The following ARHGAP24 variants were observed in gnomAD, a reference collection of about 807,000 sequenced individuals.
ARHGAP24 encodes rho GTPase-activating protein 24.
Under a neutral mutation model 76.4 loss-of-function variants are expected in ARHGAP24, and 50 were observed. The observed-to-expected ratio is 0.65, with a 90% CI of 0.52 to 0.83. The LOEUF is 0.83. ARHGAP24 is among the 40% of genes least tolerant of loss of function. The probability of loss-of-function intolerance (pLI) is 0.00; values close to 1 mark genes in which losing one functional copy is unlikely to be tolerated. For synonymous variants in ARHGAP24, 345 were observed against 323.3 expected (o/e 1.07, Z -0.72); for missense variants, 930 against 914.2 (o/e 1.02, Z -0.22).
intron 3 of ARHGAP24, among the ~76,000 whole-genome samples, chr4:85,852,559 G>A (rs1731299533): frequency 6.6e-6 from 1 of 152,186 alleles, no homozygotes; most frequent in African/African-American, 2.4e-5. Context: ...CAGCTTTTCT[G>A]CTCTGGTTTC....
intron 2 of ARHGAP24, among the ~76,000 whole-genome samples, chr4:85,632,890 T>C (rs888727508): frequency 2.6e-5 from 4 of 152,028 alleles, no homozygotes; most frequent in African/African-American, 9.6e-5. Context: ...GGATGCTAAT[T>C]ACCCCAGGAA....
intron 1 of ARHGAP24, among the ~76,000 whole-genome samples, chr4:85,500,718 T>C (rs1403955998): frequency 1.3e-5 from 2 of 152,168 alleles, no homozygotes; most frequent in Non-Finnish European, 2.9e-5. Flanking sequence ...CTCATAAGAC[T>C]TTTTTATTAT....
At chr4:85,683,816 G>C (rs1723320409) in intron 2 of ARHGAP24, among the ~76,000 whole-genome samples, 1 of 152,140 alleles carries the variant, frequency 6.6e-6, no homozygotes, top group African/African-American at 2.4e-5. Context: ...CTCTGAGTTT[G>C]ACTATTTTTG....
At chr4:85,626,104 C>T (rs1381782268) in intron 2 of ARHGAP24, among the ~76,000 whole-genome samples, 2 of 152,272 alleles carry the variant, frequency 1.3e-5, no homozygotes, top group East Asian at 3.9e-4. Flanking sequence ...TGAATTTGAT[C>T]CTGTCATTAT....
intron 3 of ARHGAP24, among the ~76,000 whole-genome samples, chr4:85,915,319 T>A (rs1283961949): frequency 1.3e-5 from 2 of 152,206 alleles, no homozygotes; most frequent in Non-Finnish European, 1.5e-5. Context: ...TTTAAAAGTT[T>A]CATAAATCAC....
intron 2 of ARHGAP24, among the ~76,000 whole-genome samples, chr4:85,639,997 T>C (rs1721467385): frequency 6.6e-6 from 1 of 152,158 alleles, no homozygotes; most frequent in Admixed American, 6.6e-5. Flanking sequence ...AAGGGCCTTG[T>C]GAATCTTGGA....
intron 2 of ARHGAP24, among the ~76,000 whole-genome samples, chr4:85,696,958 A>AGGATGCATATGGAGTGATAGTG (rs1159901273): frequency 1.3e-5 from 2 of 152,214 alleles, no homozygotes; most frequent in East Asian, 3.8e-4. Context: ...TTTTCCTAGT[A>AGGATGCATATGGAGTGATAGTG]GGATGCATAT....
chr4:85,517,982 G>A (rs1724581079), intron 1 of ARHGAP24, among the ~76,000 whole-genome samples: 1 of 152,132 alleles, frequency 6.6e-6, no homozygotes, highest in South Asian at 2.1e-4. Flanking sequence ...ACTTTAAGAA[G>A]TGACATCTAG....
At chr4:85,781,636 T>TG (rs1392025673) in intron 3 of ARHGAP24, among the ~76,000 whole-genome samples, 4 of 149,224 alleles carry the variant, frequency 2.7e-5, no homozygotes. Context: ...AAGCATCAGA[T>TG]GGTGTATATG....
chr4:85,568,629 A>G (rs1039746872), intron 1 of ARHGAP24, among the ~76,000 whole-genome samples: 5 of 152,210 alleles, frequency 3.3e-5, no homozygotes, highest in African/African-American at 1.2e-4. Context: ...TGGAGGCATC[A>G]GGCATGGTCC....
intron 3 of ARHGAP24, among the ~76,000 whole-genome samples, chr4:85,867,907 A>ATATATATG (rs372968277): frequency 5.5e-5 from 8 of 144,916 alleles, no homozygotes; most frequent in Non-Finnish European, 1.1e-4. Flanking sequence ...ACATATATAT[A>ATATATATG]TACATATATG....
chr4:85,614,401 G>C (rs1720484150), intron 2 of ARHGAP24, among the ~76,000 whole-genome samples: 1 of 151,984 alleles, frequency 6.6e-6, no homozygotes, highest in Non-Finnish European at 1.5e-5. Flanking sequence ...TATATATTTA[G>C]TGCTTAGTAG....
rs113878790 is a variant in ARHGAP24 at position 85,528,414 on chromosome 4, G to A, written c.-20-42108G>A. ...TTTTTAAGGAGAAAAATTATGAGTAGGTATGTACACACAAAAAATTTCTGG... is the reference window on the plus strand; with the variant it reads ...TTTTTAAGGAGAAAAATTATGAGTAAGTATGTACACACAAAAAATTTCTGG... On this transcript the variant is annotated intron_variant, in intron 1 of 9. Coordinates refer to ENST00000395184, the MANE Select transcript of ARHGAP24 (RefSeq NM_001025616.3). 1.4e-4 allele frequency among the ~76,000 whole-genome samples: 22 copies of A among 152,138 alleles called. 1 individual carries two copies. Among genetic ancestry groups the A allele is most frequent in the African/African-American group, 5.3e-4 (22 of 41,550 alleles).
At chr4:85,632,645 G>A (rs967348521) in intron 2 of ARHGAP24, among the ~76,000 whole-genome samples, 3 of 149,772 alleles carry the variant, frequency 2.0e-5, no homozygotes, top group South Asian at 4.1e-4. Flanking sequence ...CAGTTAAGAA[G>A]TATGCAGTCT....
At chr4:85,527,319 A>G (rs1009284674) in intron 1 of ARHGAP24, among the ~76,000 whole-genome samples, 1 of 152,146 alleles carries the variant, frequency 6.6e-6, no homozygotes, top group African/African-American at 2.4e-5. Flanking sequence ...TTGATTATCA[A>G]ACTGTTTTGG....
At chr4:85,735,302 A>C (rs1416213631) in intron 3 of ARHGAP24, among the ~76,000 whole-genome samples, 1 of 152,140 alleles carries the variant, frequency 6.6e-6, no homozygotes. Context: ...TTCTCCCATC[A>C]TCCAGCACCT....
chr4:85,775,905 G>A (rs1396936063), intron 3 of ARHGAP24, among the ~76,000 whole-genome samples: 1 of 152,110 alleles, frequency 6.6e-6, no homozygotes, highest in Non-Finnish European at 1.5e-5. Context: ...GGGGAATGAT[G>A]GGAAAGATGA....
chr4:85,827,759 C>T (rs1729792052), intron 3 of ARHGAP24: 7 of 401,900 alleles, frequency 1.7e-5, no homozygotes. Context: ...TACCTGAGCT[C>T]AGTAGCTGGG....
intron 2 of ARHGAP24, among the ~76,000 whole-genome samples, chr4:85,702,174 G>A (rs1367834420): frequency 1.3e-5 from 2 of 151,964 alleles, no homozygotes; most frequent in African/African-American, 4.8e-5. Flanking sequence ...CTCTCTTTAT[G>A]ACTCTAGCAT....
Sources: gnomAD v4.1 joint callset for allele counts (sites outside exome capture counted in the v4.1 genomes callset) on GRCh38, gnomAD v4.1.1 for gene constraint, MANE v1.5 for transcripts, NCBI Gene and HGNC (gene_info 2026-07-23, HGNC 2026-07-21) for gene names.